KRT6A: variants seen among roughly 807,000 people sequenced by gnomAD.
KRT6A encodes keratin 6A.
KRT6A carries 28 observed loss-of-function variants against 48.6 expected under a neutral mutation model. The observed-to-expected ratio is 0.58, with a 90% CI of 0.43 to 0.79. The LOEUF (loss-of-function observed/expected upper bound fraction) is 0.79, where lower values mean the gene tolerates loss of function less well. Ranked by LOEUF, KRT6A falls within the 30% of genes least tolerant of loss-of-function variation. The pLI is 0.00. For missense variants in KRT6A, 687 were observed against 724.3 expected, an observed-to-expected ratio of 0.95 and a Z score of 0.59; for synonymous variants, 301 against 294.2, an observed-to-expected ratio of 1.02 and a Z score of -0.24.
At position 52,492,706 on chromosome 12, in the gene KRT6A, A is replaced by T. The variant is rs711317; in HGVS notation, c.483T>A (p.Ala161=). ...QIDPTIQRVR[A]EEREQIKTLN... ...GGGTCTTGATCTGTTCACGCTCCTC[A>T]GCCCGCACCCGCTGGATGGTGGGAT... is the stretch of plus-strand genomic sequence containing the variant. The change falls in exon 1 of 9, where the codon GCT becomes GCA. Residue 161 remains alanine (A), a synonymous_variant. Transcript: ENST00000330722. 1.2e-6 allele frequency: 2 copies of T among 1,613,670 alleles called. No homozygotes were observed.
Position 52,490,561 on chromosome 12 carries a change from C to T in KRT6A, c.1077+8G>A, listed in dbSNP as rs759453962. ...GGATTCCTCAGCGGCTGCCCACTCC[C>T]TGCTCACCTTGGTCTGGTACCAGGA... On this transcript the variant is annotated splice_region_variant and intron_variant, in intron 5 of 8. Coordinates refer to ENST00000330722, the MANE Select transcript of KRT6A (RefSeq NM_005554.4). 3 of 1,614,234 alleles carry T rather than the reference C, an allele frequency of 1.9e-6. No homozygotes were observed. The Admixed American group carries it at 5.0e-5, about 27-fold the overall frequency.
At position 52,491,098 on chromosome 12, in the gene KRT6A, C is replaced by T. The variant is rs530252412; in HGVS notation, c.816+14G>A. The T allele has an allele frequency of 1.8e-4, 287 of 1,613,980 alleles. 4 individuals carry two copies. In the South Asian group the frequency reaches 3.1e-3, roughly 17 times the overall value. ...CTTCTAAATGAATTTGAACCCCCGG[C>T]TTCATCTGCTCACCTTCTTCAGAGT... On this transcript the variant is annotated intron_variant, in intron 3 of 8. Transcript: ENST00000330722.
intron 3 of KRT6A, 39 bp downstream of exon 3, chr12:52,491,073 C>T: frequency 1.9e-6 from 3 of 1,613,930 alleles, no homozygotes; most frequent in Non-Finnish European, 2.5e-6. Flanking sequence ...CACTTCTCTC[C>T]TTCTAAATGA....
Position 52,490,601 on chromosome 12 carries a change from G to T in KRT6A, c.1045C>A (p.Arg349=), listed in dbSNP as rs1053699. ...TGGTACCAGGACTCAGCCTCAGCCC[G>T]GCTTCTCTGAGCAATCTCCTCATAT... ...AQYEEIAQRS[R]AEAESWYQTK... is the part of the protein sequence containing the mutation. Residue 349 remains arginine, a synonymous_variant, in exon 5 of 9, where the codon CGG becomes AGG. Transcript: ENST00000330722. 9.3e-6 allele frequency: 15 copies of T among 1,614,024 alleles called. No homozygotes were observed. The highest frequency in any genetic ancestry group is 2.7e-5 in the African/African-American group (2 of 74,890).
At chr12:52,488,031 T>A in intron 8 of KRT6A, 38 bp downstream of exon 8, 6 of 1,613,948 alleles carry the variant, frequency 3.7e-6, no homozygotes, top group Non-Finnish European at 5.1e-6. Context: ...GTCAGAAGAG[T>A]GCGAGGGCAG....
At position 52,487,848 on chromosome 12, in the gene KRT6A, C is replaced by A. The variant is rs62617088; in HGVS notation, c.1567G>T (p.Val523Phe). Residue 523 changes from valine (V) to phenylalanine (F), a missense_variant, in exon 9 of 9, where the codon GTT becomes TTT. Val to Phe is a conservative substitution (Grantham distance 50, BLOSUM62 -1). Transcript: ENST00000330722. ...SSYSYGSGLGVGGGFSSSSGR... is the reference protein window; with the variant it reads ...SSYSYGSGLGFGGGFSSSSGR... The stretch of plus-strand genomic sequence containing the variant: ...CTGCTGGAACTGAAGCCACCTCCAA[C>A]GCCAAGACCACTGCCATAGGAGTAG... 0.02 allele frequency: 32,953 copies of A among 1,613,990 alleles called. 2,129 individuals carry two copies. In the African/African-American group the frequency reaches 0.22, roughly 11 times the overall value.
intron 1 of KRT6A, 139 bp downstream of exon 1, chr12:52,492,510 A>G: frequency 2.0e-6 from 3 of 1,475,678 alleles, no homozygotes; most frequent in Non-Finnish European, 2.8e-6. Context: ...CTTGCTGGGC[A>G]CCAGCAGCCA....
rs542590146 is a variant in KRT6A at position 52,489,268 on chromosome 12, G to A, written c.1203+675C>T. ...TTCTTAAACTTTCTGAATACATTAT[G>A]AGGGTTTTTTCTTTTTCTTTTTCTT... On this transcript the variant is annotated intron_variant, in intron 6 of 8. Coordinates refer to ENST00000330722, the MANE Select transcript of KRT6A (RefSeq NM_005554.4). Among the ~76,000 whole-genome samples, 11 of 119,818 alleles carry A rather than the reference G, an allele frequency of 9.2e-5. No homozygotes were observed. The South Asian group carries it at 2.8e-3, about 30-fold the overall frequency. 78.6% of individuals were successfully genotyped at this position (119,818 alleles called of 152,430 possible). A position where few individuals can be genotyped will look rare whatever the true frequency, so the allele number is the denominator to read the frequency against.
At position 52,487,814 on chromosome 12, in the gene KRT6A, G is replaced by A; in HGVS notation, c.1601C>T (p.Ala534Val). 4 of 1,614,062 alleles carry A rather than the reference G, an allele frequency of 2.5e-6. No individual in the cohort carries two copies. The highest frequency in any genetic ancestry group is 1.1e-5 in the South Asian group (1 of 91,076). The change falls in exon 9 of 9, where the codon GCC (alanine) becomes GTC (valine). Residue 534 changes from alanine (A) to valine (V), a missense_variant. By Grantham distance (64) the Ala-to-Val change is moderately conservative (BLOSUM62 0). This residue lies in a region of KRT6A where 566 missense variants were observed against 565.3 expected (regional missense o/e 1.00). Coordinates refer to ENST00000330722, the MANE Select transcript of KRT6A (RefSeq NM_005554.4). ...GGGFSSSSGR[A>V]IGGGLSSVGG... ...AACAGAGCTGAGGCCACCCCCAATG[G>A]CTCTGCCACTGCTGGAACTGAAGCC...
At position 52,487,757 on chromosome 12, in the gene KRT6A, G is replaced by A. The variant is rs766876318; in HGVS notation, c.1658C>T (p.Thr553Ile). The A allele has an allele frequency of 1.2e-6, 2 of 1,614,120 alleles. No homozygotes were observed. Among genetic ancestry groups the A allele is most frequent in the East Asian group, 2.2e-5 (1 of 44,862 alleles). Residue 553 changes from threonine to isoleucine, a missense_variant, in exon 9 of 9, where the codon ACC becomes ATC. Thr to Ile is a moderately conservative substitution (Grantham distance 89). This residue lies in a region of KRT6A where 566 missense variants were observed against 565.3 expected (regional missense o/e 1.00). Coordinates refer to ENST00000330722, the MANE Select transcript of KRT6A (RefSeq NM_005554.4). ...GGGSSTIKYT[T>I]TSSSSRKSYK... ...GCTCTTCCTGCTGGAGGAGGAGGTG[G>A]TGGTGTACTTGATGGTGGAACTGCC...
chr12:52,487,971 G>A lies in KRT6A; in HGVS notation c.1460-16C>T, dbSNP rs764581898. 40 of 1,614,156 alleles carry A rather than the reference G, an allele frequency of 2.5e-5. No individual in the cohort carries two copies. The highest frequency in any genetic ancestry group is 6.8e-6 in the Non-Finnish European group (8 of 1,179,992). On this transcript the variant is annotated splice_polypyrimidine_tract_variant and intron_variant, in intron 8 of 8. Transcript: ENST00000330722. ...TGCACCACAGCTGTGATGGGGAGGG[G>A]ACAAGGACACAAGAAGCCATGGTGA...
At position 52,487,362 on chromosome 12, in the gene KRT6A, T is replaced by C; in HGVS notation, c.*358A>G. ...GCCAGTGGAAAGTAAGTGGAAGTTG[T>C]TCTGAAATAAGCCCCTGGCAATTTT... On this transcript the variant is annotated 3_prime_UTR_variant, in exon 9 of 9. Coordinates refer to ENST00000330722, the MANE Select transcript of KRT6A (RefSeq NM_005554.4). The C allele has an allele frequency of 3.0e-6, 1 of 330,286 alleles. No individual in the cohort carries two copies. The highest frequency in any genetic ancestry group is 2.1e-5 in the African/African-American group (1 of 47,324). The allele number at this position is 330,286 out of a possible 1,614,324, so 20.5% of individuals were successfully genotyped here.
chr12:52,492,789 C>T lies in KRT6A; in HGVS notation c.400G>A (p.Gly134Ser). The T allele has an allele frequency of 6.2e-7, 1 of 1,613,696 alleles. No individual in the cohort carries two copies. The highest frequency in any genetic ancestry group is 8.5e-7 in the Non-Finnish European group (1 of 1,179,876). Residue 134 changes from glycine (G) to serine (S), a missense_variant, in exon 1 of 9, where the codon GGC (glycine) becomes AGC (serine). By Grantham distance (56) the Gly-to-Ser change is moderately conservative (BLOSUM62 0). Transcript: ENST00000330722. ...GPGFPVCPPG[G>S]IQEVTVNQSL... ...TGGTTGACGGTGACCTCTTGGATGC[C>T]TCCAGGGGGGCACACAGGGAAGCCA...
Position 52,488,419 on chromosome 12 carries a change from G to A in KRT6A, c.1333C>T (p.Leu445=). 4 of 1,614,176 alleles carry A rather than the reference G, an allele frequency of 2.5e-6. No individual in the cohort carries two copies. Among genetic ancestry groups the A allele is most frequent in the Non-Finnish European group, 3.4e-6 (4 of 1,180,038 alleles). Residue 445 remains leucine, a synonymous_variant, in exon 7 of 9, where the codon CTG becomes TTG. Transcript: ENST00000330722. ...QKAKQDLARL[L]KEYQELMNVK... ...TTCATCAGCTCCTGGTACTCCTTCA[G>A]CAGCCGGGCCAGGTCCTGCTTGGCC... is the stretch of plus-strand genomic sequence containing the variant.
rs1053740 is a variant in KRT6A at position 52,487,729 on chromosome 12, A to T, written c.1686T>A (p.Tyr562Ter). 6.2e-7 allele frequency: 1 copy of T among 1,614,202 alleles called. No homozygotes were observed. The highest frequency in any genetic ancestry group is 8.5e-7 in the Non-Finnish European group (1 of 1,180,046). ...AGCTAGCAGACGCACTTTAGTGCTT[A>T]TAGCTCTTCCTGCTGGAGGAGGAGG... ...TTTSSSSRKS[Y>*]KH The change falls in exon 9 of 9, where the codon TAT (tyrosine) becomes TAA (stop). Residue 562 changes from tyrosine to a stop codon, truncating the protein, a stop_gained. Transcript: ENST00000330722. LOFTEE classifies it high-confidence loss of function.
intron 6 of KRT6A, among the ~76,000 whole-genome samples, chr12:52,489,054 T>C (rs537067439): frequency 1.3e-5 from 2 of 152,346 alleles, no homozygotes; most frequent in African/African-American, 2.4e-5. Flanking sequence ...CCTTGAGTCT[T>C]GAGCAGATTT....
intron 1 of KRT6A, among the ~76,000 whole-genome samples, chr12:52,492,040 T>C (rs1290096856): frequency 6.6e-6 from 1 of 152,228 alleles, no homozygotes. Context: ...AGTTATAAAA[T>C]AGTATTCATC....
At chr12:52,490,105 G>A (rs373895745) in intron 5 of KRT6A, 37 bp from the exon 6 acceptor site, 8 of 1,613,536 alleles carry the variant, frequency 5.0e-6, no homozygotes, top group East Asian at 2.2e-5. Context: ...CAGTGTCTAC[G>A]GGTTCTTACC....
At position 52,490,682 on chromosome 12, in the gene KRT6A, T is replaced by C. The variant is rs748600865; in HGVS notation, c.964A>G (p.Met322Val). Residue 322 changes from methionine to valine, a missense_variant, in exon 5 of 9, where the codon ATG becomes GTG. Physicochemically the swap from Met to Val is conservative, Grantham distance 21. Around this residue, in one of 3 missense-constraint regions of KRT6A, gnomAD observed 566 missense variants for 565.3 expected, o/e 1.00. Transcript: ENST00000330722. ...HISDTSVVLS[M>V]DNNRNLDLDS... Reference sequence around the variant, plus strand: ...AGGTCCAGGTTGCGGTTGTTGTCCATGGACAGCACCACAGATGTGTCTGAG... The same window carrying C: ...AGGTCCAGGTTGCGGTTGTTGTCCACGGACAGCACCACAGATGTGTCTGAG... 2 of 1,614,240 alleles carry C rather than the reference T, an allele frequency of 1.2e-6. No individual in the cohort carries two copies. The highest frequency in any genetic ancestry group is 2.2e-5 in the East Asian group (1 of 44,878).
Sources: allele counts gnomAD v4.1 joint callset (sites outside exome capture counted in the v4.1 genomes callset), GRCh38; gene constraint gnomAD v4.1.1; regional missense constraint gnomAD v4.1.1; transcripts MANE v1.5; gene names NCBI Gene and HGNC (gene_info 2026-07-23, HGNC 2026-07-21).